The following PDE4D variants were observed in gnomAD, a reference collection of about 807,000 sequenced individuals.
The protein encoded by PDE4D is phosphodiesterase 4D.
In PDE4D, 24 loss-of-function variants were observed where a neutral mutation model predicts 87.4. The observed-to-expected ratio is 0.27, with a 90% CI of 0.20 to 0.39. The LOEUF (loss-of-function observed/expected upper bound fraction) is 0.39. Ranked by LOEUF, PDE4D falls within the 10% of genes least tolerant of loss-of-function variation. The probability of loss-of-function intolerance (pLI) is 1.00; values close to 1 mark genes in which losing one functional copy is unlikely to be tolerated. For missense variants in PDE4D, 714 were observed against 1,041.0 expected (o/e 0.69, Z 4.32); for synonymous variants, 384 against 383.2 (o/e 1.00, Z -0.02).
At chr5:59,410,072 A>C (rs532477691) in intron 1 of PDE4D, among the ~76,000 whole-genome samples, 85 of 152,170 alleles carry the variant, frequency 5.6e-4, no homozygotes, top group Non-Finnish European at 1.1e-3. Context: ...TTTGTGTTAC[A>C]AACATTCCAA....
chr5:60,362,293 T>A (rs1004527499), intron 1 of PDE4D, among the ~76,000 whole-genome samples: 14 of 152,220 alleles, frequency 9.2e-5, no homozygotes, highest in African/African-American at 2.7e-4. Flanking sequence ...TGCTTTCTTT[T>A]GTTTCATGTC....
At chr5:59,235,111 A>C (rs1756104732) in intron 1 of PDE4D, among the ~76,000 whole-genome samples, 1 of 152,116 alleles carries the variant, frequency 6.6e-6, no homozygotes, top group Non-Finnish European at 1.5e-5. Context: ...TGTCCTTTAA[A>C]TTTGCAATGT....
At chr5:60,199,125 G>A (rs1271573462) in intron 1 of PDE4D, among the ~76,000 whole-genome samples, 1 of 151,662 alleles carries the variant, frequency 6.6e-6, no homozygotes, top group African/African-American at 2.4e-5. Context: ...CTCATTCAAT[G>A]AGCCTCAAAA....
intron 1 of PDE4D, among the ~76,000 whole-genome samples, chr5:59,678,098 T>C (rs967451128): frequency 2.0e-5 from 3 of 152,156 alleles, no homozygotes; most frequent in Admixed American, 6.5e-5. Context: ...ACTCATCCTC[T>C]AACAATTGAT....
At chr5:59,698,758 C>T (rs140026868) in intron 1 of PDE4D, among the ~76,000 whole-genome samples, 3 of 152,276 alleles carry the variant, frequency 2.0e-5, no homozygotes, top group South Asian at 2.1e-4. Context: ...AGTGAATCAA[C>T]ATTCTGCGCT....
intron 5 of PDE4D, among the ~76,000 whole-genome samples, chr5:59,143,150 C>G (rs938128147): frequency 6.7e-6 from 1 of 149,816 alleles, no homozygotes; most frequent in Admixed American, 6.7e-5. Context: ...CCATCCCTTC[C>G]TCCTTCCCTT....
intron 5 of PDE4D, among the ~76,000 whole-genome samples, chr5:59,132,541 TTTAA>T (rs896994159): frequency 3.3e-5 from 5 of 152,236 alleles, no homozygotes; most frequent in Admixed American, 3.3e-4. Context: ...ATATTTCAAA[TTTAA>T]TTTTTTATTA....
chr5:59,527,414 T>C (rs1185617334), intron 1 of PDE4D, among the ~76,000 whole-genome samples: 7 of 152,194 alleles, frequency 4.6e-5, no homozygotes, highest in South Asian at 2.1e-4. Context: ...AACAGTATAT[T>C]ACAGCAGGCA....
At chr5:60,056,540 G>T (rs1404878948) in intron 2 of PDE4D, among the ~76,000 whole-genome samples, 2 of 151,882 alleles carry the variant, frequency 1.3e-5, no homozygotes, top group South Asian at 4.1e-4. Flanking sequence ...GGGAGGGAGG[G>T]GCTGTCAATG....
At chr5:59,608,317 C>T (rs776077558) in intron 1 of PDE4D, among the ~76,000 whole-genome samples, 14 of 152,082 alleles carry the variant, frequency 9.2e-5, no homozygotes, top group Admixed American at 6.6e-4. Flanking sequence ...GCTCACACAG[C>T]GCATGCTTCT....
At chr5:60,316,364 A>C (rs1302620565) in intron 1 of PDE4D, among the ~76,000 whole-genome samples, 2 of 152,162 alleles carry the variant, frequency 1.3e-5, no homozygotes, top group African/African-American at 4.8e-5. Context: ...GAAGTTGCCT[A>C]TCAGCTTAAG....
intron 1 of PDE4D, among the ~76,000 whole-genome samples, chr5:60,205,221 C>T (rs933833910): frequency 6.6e-6 from 1 of 152,176 alleles, no homozygotes; most frequent in Non-Finnish European, 1.5e-5. Context: ...AAACTGGCCA[C>T]ACTCAGGCTC....
chr5:59,176,176 G>A (rs1783854742), intron 5 of PDE4D, among the ~76,000 whole-genome samples: 1 of 152,128 alleles, frequency 6.6e-6, no homozygotes, highest in Non-Finnish European at 1.5e-5. Context: ...TTTTAGACCT[G>A]TATGTTTACC....
chr5:59,249,863 G>A (rs961956669), intron 1 of PDE4D, among the ~76,000 whole-genome samples: 1 of 151,882 alleles, frequency 6.6e-6, no homozygotes, highest in Non-Finnish European at 1.5e-5. Context: ...GTGTGTATAT[G>A]TGTGTGTGTA....
intron 1 of PDE4D, among the ~76,000 whole-genome samples, chr5:59,591,282 A>G (rs1825882026): frequency 6.6e-6 from 1 of 152,158 alleles, no homozygotes; most frequent in Admixed American, 6.6e-5. Context: ...CAACTTACAC[A>G]CTTCCTTCAC....
At chr5:59,654,485 T>A (rs73101108) in intron 1 of PDE4D, among the ~76,000 whole-genome samples, 5,236 of 152,274 alleles carry the variant, frequency 0.034, 322 homozygotes, top group African/African-American at 0.12. Context: ...TTGATTTGTA[T>A]CAGGAAGGTC....
intron 6 of PDE4D, among the ~76,000 whole-genome samples, chr5:59,032,109 A>T (rs1297377711): frequency 6.6e-6 from 1 of 152,220 alleles, no homozygotes; most frequent in African/African-American, 2.4e-5. Context: ...TCACAAAAAG[A>T]TAAATTGGTG....
chr5:60,267,870 A>T (rs931835835), intron 1 of PDE4D, among the ~76,000 whole-genome samples: 1 of 152,206 alleles, frequency 6.6e-6, no homozygotes, highest in Non-Finnish European at 1.5e-5. Context: ...GGCAAGATTT[A>T]TCAGGGCGCT....
At chr5:59,008,569 C>A (rs1752125925) in intron 6 of PDE4D, among the ~76,000 whole-genome samples, 1 of 152,008 alleles carries the variant, frequency 6.6e-6, no homozygotes, top group Admixed American at 6.5e-5. Context: ...CTTTATCCTG[C>A]ACCACACTAA....
Sources: gnomAD v4.1 joint callset for allele counts (sites outside exome capture counted in the v4.1 genomes callset) on GRCh38, gnomAD v4.1.1 for gene constraint, MANE v1.5 for transcripts, NCBI Gene and HGNC (gene_info 2026-07-23, HGNC 2026-07-21) for gene names.